ZNF804B: variants seen among roughly 807,000 people sequenced by gnomAD.
The protein encoded by ZNF804B is zinc finger protein 804B, also known as zinc finger 804B.
ZNF804B carries 80 observed loss-of-function variants against 101.4 expected under a neutral mutation model. The ratio of observed to expected loss-of-function variants is 0.79; its 90% CI spans 0.66 to 0.95. The LOEUF (loss-of-function observed/expected upper bound fraction) is 0.95. Ranked by LOEUF, ZNF804B falls within the 40% of genes least tolerant of loss-of-function variation. The probability of loss-of-function intolerance (pLI) is 0.00; values close to 1 mark genes in which losing one functional copy is unlikely to be tolerated. For synonymous variants in ZNF804B, 622 were observed against 558.8 expected (o/e 1.11, Z -1.59); for missense variants, 1,673 against 1,561.9 (o/e 1.07, Z -1.20).
Position 89,222,420 on chromosome 7 carries a change from T to C in ZNF804B, c.249+4125T>C, listed in dbSNP as rs112589792. 2.6e-3 allele frequency among the ~76,000 whole-genome samples: 393 copies of C among 152,110 alleles called. 3 individuals are homozygous for C. Among genetic ancestry groups the C allele is most frequent in the African/African-American group, 9.1e-3 (380 of 41,566 alleles). On this transcript the variant is annotated intron_variant, in intron 2 of 3. Transcript: ENST00000333190. The stretch of plus-strand genomic sequence containing the variant: ...TGTTCCACACCAATCCATCCACTTA[T>C]GACCAGATAAGTCTTTTCAAACTAT...
At chr7:88,780,814 A>G (rs1477380551) in intron 1 of ZNF804B, among the ~76,000 whole-genome samples, 1 of 152,170 alleles carries the variant, frequency 6.6e-6, no homozygotes, top group African/African-American at 2.4e-5. Flanking sequence ...TCTCACGTAA[A>G]CTGCAAATAA....
In ZNF804B at chr7:89,275,044, C is replaced by A. The variant is rs777208440; in HGVS notation, c.250-52300C>A. On this transcript the variant is annotated intron_variant, in intron 2 of 3. Coordinates refer to ENST00000333190, the MANE Select transcript of ZNF804B (RefSeq NM_181646.5). The stretch of plus-strand genomic sequence containing the variant: ...TCCTGATTCCAGATTTTATGTAAGT[C>A]AACAGACTTGCATCTGTATTTGGAC... Among the ~76,000 whole-genome samples the A allele has an allele frequency of 5.9e-5, 9 of 151,912 alleles. 1 individual carries two copies. Among genetic ancestry groups the A allele is most frequent in the African/African-American group, 9.7e-5 (4 of 41,218 alleles).
At chr7:88,858,405 A>G (rs1349751950) in intron 1 of ZNF804B, among the ~76,000 whole-genome samples, 1 of 152,188 alleles carries the variant, frequency 6.6e-6, no homozygotes, top group Non-Finnish European at 1.5e-5. Flanking sequence ...TTGAAGTCAA[A>G]GGGTAGTTAG....
intron 1 of ZNF804B, among the ~76,000 whole-genome samples, chr7:88,800,723 T>A (rs1328992864): frequency 4.1e-5 from 6 of 147,026 alleles, no homozygotes; most frequent in Non-Finnish European, 8.9e-5. Context: ...TGTGTGTGTG[T>A]GTGTGTGTGT....
intron 1 of ZNF804B, among the ~76,000 whole-genome samples, chr7:89,075,385 C>A (rs1321590199): frequency 6.6e-6 from 1 of 152,254 alleles, no homozygotes; most frequent in Non-Finnish European, 1.5e-5. Context: ...GCCACTCCAG[C>A]CATGACTAAA....
chr7:88,854,527 T>TTCCCTTCC lies in ZNF804B; in HGVS notation c.108+94444_108+94445insCCCTTCCT, dbSNP rs1554340248. Among the ~76,000 whole-genome samples the TTCCCTTCC allele has an allele frequency of 1.0e-3, 42 of 40,064 alleles. 1 individual carries two copies. Among genetic ancestry groups the TTCCCTTCC allele is most frequent in the Admixed American group, 3.5e-3 (11 of 3,182 alleles). The allele number at this position is 40,064 out of a possible 152,430, so 26.3% of individuals were successfully genotyped here. A position where few individuals can be genotyped will look rare whatever the true frequency, so the allele number is the denominator to read the frequency against. On this transcript the variant is annotated intron_variant, in intron 1 of 3. Coordinates refer to ENST00000333190, the MANE Select transcript of ZNF804B (RefSeq NM_181646.5). ...CTTTCCTTTCCTTTCCTTTCCTTCC[T>TTCCCTTCC]TTCCTTCCTTCCTTCCTTCCTTCCT...
intron 1 of ZNF804B, among the ~76,000 whole-genome samples, chr7:88,762,373 C>G (rs1789911138): frequency 1.3e-5 from 2 of 152,162 alleles, no homozygotes; most frequent in African/African-American, 4.8e-5. Flanking sequence ...AGTCTTCCAA[C>G]AAGTTGAGGT....
At chr7:89,271,877 C>A (rs552165049) in intron 2 of ZNF804B, among the ~76,000 whole-genome samples, 4 of 152,020 alleles carry the variant, frequency 2.6e-5, no homozygotes, top group African/African-American at 9.7e-5. Flanking sequence ...TTAGTATTCT[C>A]TAATGGTAGT....
In ZNF804B at chr7:89,233,088, A is replaced by T. The variant is rs1789224074; in HGVS notation, c.249+14793A>T. Among the ~76,000 whole-genome samples, 3 of 146,814 alleles carry T rather than the reference A, an allele frequency of 2.0e-5. No individual in the cohort carries two copies. The South Asian group carries it at 6.5e-4, about 32-fold the overall frequency. On this transcript the variant is annotated intron_variant, in intron 2 of 3. Coordinates refer to ENST00000333190, the MANE Select transcript of ZNF804B (RefSeq NM_181646.5). The stretch of plus-strand genomic sequence containing the variant: ...AGGCGCCCGCCACCACGCCTGGCTA[A>T]TTTTTTTTTTTGTATTTTTAGTAGA...
At chr7:89,178,304 A>T (rs866051647) in intron 1 of ZNF804B, among the ~76,000 whole-genome samples, 9 of 142,460 alleles carry the variant, frequency 6.3e-5, no homozygotes, top group Admixed American at 6.9e-5. Flanking sequence ...TACTCCTGCC[A>T]TTTTTTTTTT....
In ZNF804B at chr7:88,818,405, T is replaced by A. The variant is rs114665307; in HGVS notation, c.108+58321T>A. On this transcript the variant is annotated intron_variant, in intron 1 of 3. Coordinates refer to ENST00000333190, the MANE Select transcript of ZNF804B (RefSeq NM_181646.5). Reference sequence around the variant, plus strand: ...AAAGGGGATAATAATTATGTCCATTTTTTTCTTAGAAAAATATATATTAAT... The same window carrying A: ...AAAGGGGATAATAATTATGTCCATTATTTTCTTAGAAAAATATATATTAAT... Among the ~76,000 whole-genome samples the A allele has an allele frequency of 8.8e-3, 1,335 of 152,266 alleles. 13 individuals carry two copies. The highest frequency in any genetic ancestry group is 0.031 in the African/African-American group (1,283 of 41,560).
chr7:88,772,719 A>G (rs1410041061), intron 1 of ZNF804B, among the ~76,000 whole-genome samples: 1 of 152,160 alleles, frequency 6.6e-6, no homozygotes. Flanking sequence ...TGAGGCAAGG[A>G]AAGAACTGCA....
intron 1 of ZNF804B, among the ~76,000 whole-genome samples, chr7:89,049,284 C>T (rs1471983406): frequency 6.6e-6 from 1 of 152,138 alleles, no homozygotes; most frequent in Non-Finnish European, 1.5e-5. Flanking sequence ...CAATGCTCCA[C>T]CAAAGGGAGA....
intron 1 of ZNF804B, among the ~76,000 whole-genome samples, chr7:89,062,448 G>T (rs770421528): frequency 9.2e-5 from 14 of 151,940 alleles, no homozygotes; most frequent in Admixed American, 2.0e-4. Context: ...ACTCCTCTCT[G>T]CGTTTTCTTG....
chr7:88,852,598 A>G (rs924252051), intron 1 of ZNF804B, among the ~76,000 whole-genome samples: 4 of 152,084 alleles, frequency 2.6e-5, no homozygotes, highest in Admixed American at 6.6e-5. Context: ...CCTCTTCATG[A>G]TGGAATCCAA....
At chr7:88,768,216 T>C (rs1010383940) in intron 1 of ZNF804B, among the ~76,000 whole-genome samples, 1 of 152,196 alleles carries the variant, frequency 6.6e-6, no homozygotes, top group African/African-American at 2.4e-5. Context: ...ATTGGAAATT[T>C]CCACCTAGTC....
At chr7:88,920,278 A>C (rs2115995499) in intron 1 of ZNF804B, among the ~76,000 whole-genome samples, 1 of 152,174 alleles carries the variant, frequency 6.6e-6, no homozygotes, top group East Asian at 1.9e-4. Context: ...TACAGTATTA[A>C]TTTTGCATGA....
intron 1 of ZNF804B, among the ~76,000 whole-genome samples, chr7:88,926,556 C>T (rs142621150): frequency 8.5e-4 from 129 of 152,000 alleles, no homozygotes; most frequent in African/African-American, 3.0e-3. Context: ...TACACTGAGC[C>T]GAGATCACGC....
chr7:89,141,266 A>C (rs1008690508), intron 1 of ZNF804B, among the ~76,000 whole-genome samples: 1 of 152,088 alleles, frequency 6.6e-6, no homozygotes, highest in Non-Finnish European at 1.5e-5. Flanking sequence ...AGAGTTACCA[A>C]AATGTGACAG....
Sources: allele counts gnomAD v4.1 joint callset (sites outside exome capture counted in the v4.1 genomes callset), GRCh38; gene constraint gnomAD v4.1.1; transcripts MANE v1.5; gene names NCBI Gene and HGNC (gene_info 2026-07-23, HGNC 2026-07-21).